The following IL1RAPL1 variants were observed in gnomAD, a reference collection of about 807,000 sequenced individuals.
IL1RAPL1 encodes the protein interleukin-1 receptor accessory protein-like 1.
IL1RAPL1 carries 3 observed loss-of-function variants against 48.4 expected under a neutral mutation model. That is an observed-to-expected ratio of 0.06 (90% CI 0.03 to 0.16). IL1RAPL1 has a LOEUF of 0.16. Among genes scored for constraint, IL1RAPL1 ranks in the 10% least tolerant of loss-of-function variants. IL1RAPL1 has a pLI of 1.00. For synonymous variants in IL1RAPL1, 185 were observed against 187.7 expected (o/e 0.99, Z 0.12); for missense variants, 349 against 530.6 (o/e 0.66, Z 3.36).
At chrX:28,770,008 T>G (rs1936292404) in intron 1 of IL1RAPL1, among the ~76,000 whole-genome samples, 1 of 112,232 alleles carries the variant, frequency 8.9e-6, no homozygotes, top group Non-Finnish European at 1.9e-5. Context: ...GCTGAGTTAC[T>G]ACTCTTATTA....
chrX:29,597,222 C>T (rs1811829749), intron 5 of IL1RAPL1, among the ~76,000 whole-genome samples: 1 of 99,761 alleles, frequency 1.0e-5, no homozygotes, highest in Admixed American at 1.1e-4. Context: ...GGCGCGATAT[C>T]GGCTCACTGC....
At chrX:29,907,013 A>G (rs1932646782) in intron 6 of IL1RAPL1, among the ~76,000 whole-genome samples, 1 of 111,685 alleles carries the variant, frequency 9.0e-6, no homozygotes. Context: ...AACTGATATG[A>G]AAGTTAGTGG....
At position 29,496,882 on chromosome X, in the gene IL1RAPL1, A is replaced by G. The variant is rs755386164; in HGVS notation, c.703+97574A>G. 4.5e-5 allele frequency among the ~76,000 whole-genome samples: 5 copies of G among 112,177 alleles called. No homozygotes were observed. In the Admixed American group the frequency reaches 4.7e-4, roughly 11 times the overall value. On this transcript the variant is annotated intron_variant, in intron 5 of 10. Transcript: ENST00000378993. Reference sequence around the variant, plus strand: ...ATTTAATCAGTGAAACAGACTGGACATAAACAACTCTCTTAACTTCTCAGT... The same window carrying G: ...ATTTAATCAGTGAAACAGACTGGACGTAAACAACTCTCTTAACTTCTCAGT...
At chrX:28,723,731 A>C (rs1601874205) in intron 1 of IL1RAPL1, among the ~76,000 whole-genome samples, 1 of 111,870 alleles carries the variant, frequency 8.9e-6, no homozygotes, top group East Asian at 2.8e-4. Flanking sequence ...GTGGGCATTT[A>C]GTGGCATAAA....
chrX:29,179,621 A>G (rs917786489), intron 2 of IL1RAPL1, among the ~76,000 whole-genome samples: 4 of 111,874 alleles, frequency 3.6e-5, no homozygotes, highest in Admixed American at 9.5e-5. Context: ...AATGGTTCTT[A>G]TAAAGTCTGA....
At chrX:29,589,189 A>G (rs112369635) in intron 5 of IL1RAPL1, among the ~76,000 whole-genome samples, 2 of 112,235 alleles carry the variant, frequency 1.8e-5, no homozygotes, top group African/African-American at 3.2e-5. Context: ...GCATTTTCCA[A>G]GCCATTGATT....
At chrX:29,859,910 A>G (rs764026060) in intron 6 of IL1RAPL1, among the ~76,000 whole-genome samples, 2 of 112,298 alleles carry the variant, frequency 1.8e-5, no homozygotes, top group Non-Finnish European at 3.8e-5. Context: ...GGCATTGAAT[A>G]AAAGACCTTT....
chrX:28,702,166 A>G (rs986529716), intron 1 of IL1RAPL1, among the ~76,000 whole-genome samples: 2 of 111,245 alleles, frequency 1.8e-5, no homozygotes, highest in African/African-American at 3.3e-5. Flanking sequence ...CATTCCTTCT[A>G]TGTAACTGGT....
At chrX:28,646,417 T>C (rs2146901484) in intron 1 of IL1RAPL1, among the ~76,000 whole-genome samples, 1 of 112,371 alleles carries the variant, frequency 8.9e-6, no homozygotes, top group East Asian at 2.8e-4. Context: ...GACATATTAT[T>C]GCACTTGTAT....
At chrX:29,451,897 C>G (rs183640291) in intron 5 of IL1RAPL1, among the ~76,000 whole-genome samples, 21 of 111,614 alleles carry the variant, frequency 1.9e-4, no homozygotes, top group African/African-American at 4.5e-4. Flanking sequence ...TATAATTTAT[C>G]TTAATAAGAA....
chrX:29,359,814 C>T (rs12007456), intron 3 of IL1RAPL1, among the ~76,000 whole-genome samples: 17,348 of 110,913 alleles, frequency 0.16, 1,468 homozygotes, highest in African/African-American at 0.32. Flanking sequence ...TCCCCCCACA[C>T]GGATTCAGAC....
intron 5 of IL1RAPL1, among the ~76,000 whole-genome samples, chrX:29,498,226 C>G (rs1006652531): frequency 2.7e-5 from 3 of 111,860 alleles, no homozygotes; most frequent in African/African-American, 9.7e-5. Flanking sequence ...TTTAGTCCCT[C>G]TCTATGGTAT....
intron 1 of IL1RAPL1, among the ~76,000 whole-genome samples, chrX:28,609,796 C>T (rs1322464983): frequency 9.1e-6 from 1 of 110,279 alleles, no homozygotes; most frequent in East Asian, 2.8e-4. Flanking sequence ...ATGTGTTATC[C>T]AATAACCCTC....
At chrX:29,886,187 G>C (rs771217188) in intron 6 of IL1RAPL1, among the ~76,000 whole-genome samples, 1 of 112,195 alleles carries the variant, frequency 8.9e-6, no homozygotes, top group Non-Finnish European at 1.9e-5. Context: ...ATTTAACTCA[G>C]TGTTTCAAAA....
intron 1 of IL1RAPL1, among the ~76,000 whole-genome samples, chrX:28,618,094 A>G (rs1317682427): frequency 8.9e-6 from 1 of 112,093 alleles, no homozygotes; most frequent in African/African-American, 3.2e-5. Context: ...GAGAATAGAT[A>G]TCTTTTTTTC....
At chrX:29,776,143 G>A (rs1471751353) in intron 6 of IL1RAPL1, among the ~76,000 whole-genome samples, 4 of 111,457 alleles carry the variant, frequency 3.6e-5, no homozygotes, top group Non-Finnish European at 5.7e-5. Flanking sequence ...CCTATTCAGT[G>A]ACACAGCCCT....
chrX:29,844,957 G>A lies in IL1RAPL1; in HGVS notation c.779-72507G>A, dbSNP rs74662794. 5.4e-4 allele frequency among the ~76,000 whole-genome samples: 61 copies of A among 111,987 alleles called. 1 individual carries two copies. In the East Asian group the frequency reaches 0.012, roughly 22 times the overall value. ...AGACACACAAAGAGGAAAGCCATGT[G>A]GTGCATTTACATGCCAACAAATGCC... On this transcript the variant is annotated intron_variant, in intron 6 of 10. Coordinates refer to ENST00000378993, the MANE Select transcript of IL1RAPL1 (RefSeq NM_014271.4).
intron 5 of IL1RAPL1, among the ~76,000 whole-genome samples, chrX:29,438,238 T>C (rs1295871758): frequency 9.0e-6 from 1 of 111,451 alleles, no homozygotes; most frequent in East Asian, 2.8e-4. Flanking sequence ...CCTGTTTCAT[T>C]CTTCGTATTG....
At chrX:29,518,308 A>G (rs1416742022) in intron 5 of IL1RAPL1, among the ~76,000 whole-genome samples, 1 of 111,078 alleles carries the variant, frequency 9.0e-6, no homozygotes, top group Non-Finnish European at 1.9e-5. Flanking sequence ...GGATCTCGTT[A>G]CAATGCAGAT....
Sources: allele counts gnomAD v4.1 joint callset (sites outside exome capture counted in the v4.1 genomes callset), GRCh38; gene constraint gnomAD v4.1.1; transcripts MANE v1.5; gene names NCBI Gene and HGNC (gene_info 2026-07-23, HGNC 2026-07-21).